The following RGMA variants were observed in gnomAD, a reference collection of about 807,000 sequenced individuals.
The protein encoded by RGMA is repulsive guidance molecule BMP co-receptor a.
RGMA carries 10 observed loss-of-function variants against 23.2 expected under a neutral mutation model. The observed-to-expected ratio is 0.43, with a 90% CI of 0.27 to 0.73. The LOEUF (loss-of-function observed/expected upper bound fraction) is 0.73, where lower values mean the gene tolerates loss of function less well. Ranked by LOEUF, RGMA falls within the 30% of genes least tolerant of loss-of-function variation. RGMA has a pLI of 0.20. For missense variants in RGMA, 547 were observed against 630.5 expected, an observed-to-expected ratio of 0.87 and a Z score of 1.42; for synonymous variants, 308 against 279.3, an observed-to-expected ratio of 1.10 and a Z score of -1.03.
In RGMA at chr15:93,040,995, GTT is replaced by G. The variant is rs2054716754; in HGVS notation, c.*4001_*4002del. ...AAGGAGACCACACAGCTCGCGACGG[GTT>G]GAGCCAGTTTTGACGCCAAGTTTGC... On this transcript the variant is annotated 3_prime_UTR_variant, in exon 4 of 4. Coordinates refer to ENST00000329082, the MANE Select transcript of RGMA (RefSeq NM_020211.3). 1 of 152,162 alleles carries G rather than the reference GTT, an allele frequency of 6.6e-6. No individual in the cohort carries two copies. The highest frequency in any genetic ancestry group is 1.5e-5 in the Non-Finnish European group (1 of 68,052). The allele number at this position is 152,162 out of a possible 1,614,324, so 9.4% of individuals were successfully genotyped here. A position where few individuals can be genotyped will look rare whatever the true frequency, so the allele number is the denominator to read the frequency against.
chr15:93,080,870 A>G (rs1895548444), intron 1 of RGMA, among the ~76,000 whole-genome samples: 1 of 152,140 alleles, frequency 6.6e-6, no homozygotes, highest in Non-Finnish European at 1.5e-5. Context: ...AAACTGGGGT[A>G]TAACTACACT....
intron 2 of RGMA, among the ~76,000 whole-genome samples, chr15:93,057,172 G>A (rs867721939): frequency 1.3e-5 from 2 of 152,164 alleles, no homozygotes; most frequent in African/African-American, 4.8e-5. Flanking sequence ...CATGACTGTC[G>A]AGGGGGCCTC....
In RGMA at chr15:93,056,064, G is replaced by C. The variant is rs533307806; in HGVS notation, c.131-3557C>G. ...GCTGTACTGGGTGGCCTGGGACCCAGCTCGGCAGGCCCCAGTAGCCCAGGG... is the reference window on the plus strand; with the variant it reads ...GCTGTACTGGGTGGCCTGGGACCCACCTCGGCAGGCCCCAGTAGCCCAGGG... On this transcript the variant is annotated intron_variant, in intron 2 of 3. Transcript: ENST00000329082. 4.6e-5 allele frequency among the ~76,000 whole-genome samples: 7 copies of C among 152,330 alleles called. No homozygotes were observed. The East Asian group carries it at 1.4e-3, about 29-fold the overall frequency.
In RGMA at chr15:93,041,449, G is replaced by C. The variant is rs1440659380; in HGVS notation, c.*3549C>G. 1 of 152,180 alleles carries C rather than the reference G, an allele frequency of 6.6e-6. No homozygotes were observed. The highest frequency in any genetic ancestry group is 6.5e-5 in the Admixed American group (1 of 15,282). The allele number at this position is 152,180 out of a possible 1,614,324, so 9.4% of individuals were successfully genotyped here. A position where few individuals can be genotyped will look rare whatever the true frequency, so the allele number is the denominator to read the frequency against. On this transcript the variant is annotated 3_prime_UTR_variant, in exon 4 of 4. Transcript: ENST00000329082. ...TCAGGATGCTGTGTTCCATATTCAC[G>C]ACGGCATTTCCATGCTCGTGAGGGC...
chr15:93,080,741 A>T (rs1453631546), intron 1 of RGMA, among the ~76,000 whole-genome samples: 2 of 151,986 alleles, frequency 1.3e-5, no homozygotes. Flanking sequence ...ATTTGGATGT[A>T]TGACCCTCTT....
intron 3 of RGMA, among the ~76,000 whole-genome samples, chr15:93,046,758 G>A (rs1056474079): frequency 6.6e-6 from 1 of 152,136 alleles, no homozygotes; most frequent in African/African-American, 2.4e-5. Context: ...GGAGCAAGGT[G>A]CTGGTCGGTA....
At chr15:93,071,319 G>A (rs957025693) in intron 2 of RGMA, among the ~76,000 whole-genome samples, 1 of 152,214 alleles carries the variant, frequency 6.6e-6, no homozygotes, top group Non-Finnish European at 1.5e-5. Context: ...AAATTGGGCT[G>A]TTCAACCAGA....
chr15:93,067,182 AT>A (rs1263842029), intron 2 of RGMA, among the ~76,000 whole-genome samples: 1 of 152,142 alleles, frequency 6.6e-6, no homozygotes, highest in Non-Finnish European at 1.5e-5. Flanking sequence ...GGTTATTTTT[AT>A]TTTATTACTT....
chr15:93,049,161 G>C (rs975513571), intron 3 of RGMA, among the ~76,000 whole-genome samples: 1 of 152,206 alleles, frequency 6.6e-6, no homozygotes, highest in Non-Finnish European at 1.5e-5. Flanking sequence ...CCCTTCTGAA[G>C]GGGTCCTGGC....
intron 2 of RGMA, among the ~76,000 whole-genome samples, chr15:93,069,643 G>A (rs1895262383): frequency 6.6e-6 from 1 of 152,222 alleles, no homozygotes; most frequent in Non-Finnish European, 1.5e-5. Context: ...ATGCATCAGA[G>A]CTCTCTGGAG....
At chr15:93,066,214 T>C in intron 2 of RGMA, 1 of 1,414,792 alleles carries the variant, frequency 7.1e-7, no homozygotes. Context: ...AGTCTCCTCA[T>C]CTCCAACGCT....
intron 1 of RGMA, chr15:93,073,986 G>A: frequency 7.1e-7 from 1 of 1,414,236 alleles, no homozygotes; most frequent in Non-Finnish European, 9.2e-7. Context: ...GCTTCAGTAT[G>A]GTGACCTTTC....
rs1361509279 is a variant in RGMA at position 93,044,237 on chromosome 15, T to C, written c.*761A>G. ...AGGAACAGAAGTCAAGGATCTCTTC[T>C]CTGTTTAGACATTTAGAACCAAGCA... On this transcript the variant is annotated 3_prime_UTR_variant, in exon 4 of 4. Transcript: ENST00000329082. 6.6e-6 allele frequency: 1 copy of C among 152,300 alleles called. No homozygotes were observed. Among genetic ancestry groups the C allele is most frequent in the Non-Finnish European group, 1.5e-5 (1 of 68,088 alleles). The allele number at this position is 152,300 out of a possible 1,614,324, so 9.4% of individuals were successfully genotyped here.
At chr15:93,065,729 C>T in intron 2 of RGMA, 1 of 1,195,514 alleles carries the variant, frequency 8.4e-7, no homozygotes, top group Non-Finnish European at 1.2e-6. Flanking sequence ...GGCCGGGGAC[C>T]ATCAGCGGGA....
intron 1 of RGMA, among the ~76,000 whole-genome samples, chr15:93,079,929 C>T (rs1320819579): frequency 1.7e-4 from 26 of 152,258 alleles, no homozygotes; most frequent in Admixed American, 1.6e-3. Flanking sequence ...TACATTTTGG[C>T]TACGAGGATG....
At chr15:93,086,544 C>T (rs1028301081) in intron 1 of RGMA, among the ~76,000 whole-genome samples, 1 of 152,204 alleles carries the variant, frequency 6.6e-6, no homozygotes, top group South Asian at 2.1e-4. Flanking sequence ...GCACTTTAGA[C>T]TCACAGAACA....
chr15:93,076,820 CTG>C (rs1030428658), intron 1 of RGMA, among the ~76,000 whole-genome samples: 40 of 152,338 alleles, frequency 2.6e-4, no homozygotes, highest in South Asian at 8.3e-4. Context: ...GCTTGGCGTA[CTG>C]TGTGTGCCAT....
intron 3 of RGMA, among the ~76,000 whole-genome samples, chr15:93,048,783 C>T (rs1490886648): frequency 1.3e-5 from 2 of 150,962 alleles, no homozygotes; most frequent in Admixed American, 6.6e-5. Context: ...GGGAGGCCGC[C>T]TGGGGGTGCC....
intron 3 of RGMA, among the ~76,000 whole-genome samples, chr15:93,047,961 C>T (rs2054852212): frequency 1.3e-5 from 2 of 152,156 alleles, no homozygotes; most frequent in South Asian, 2.1e-4. Context: ...AAGGTGGGGT[C>T]TGGCCAGGAA....
Sources: allele counts gnomAD v4.1 joint callset (sites outside exome capture counted in the v4.1 genomes callset), GRCh38; gene constraint gnomAD v4.1.1; transcripts MANE v1.5; gene names NCBI Gene and HGNC (gene_info 2026-07-23, HGNC 2026-07-21).